The following PLXNA4 variants were observed in gnomAD, a reference collection of about 807,000 sequenced individuals.
PLXNA4 encodes the protein plexin A4.
PLXNA4 carries 44 observed loss-of-function variants against 191.8 expected under a neutral mutation model. The ratio of observed to expected loss-of-function variants is 0.23; its 90% CI spans 0.18 to 0.29. The LOEUF (loss-of-function observed/expected upper bound fraction) is 0.29. Ranked by LOEUF, PLXNA4 falls within the 10% of genes least tolerant of loss-of-function variation. The pLI is 1.00. For missense variants in PLXNA4, 1,800 were observed against 2,488.8 expected (o/e 0.72, Z 5.89); for synonymous variants, 1,082 against 1,009.5 (o/e 1.07, Z -1.36).
rs759238884 is a variant in PLXNA4, at chr7:132,223,676, AC to A, written c.1983-36del. 6 of 1,564,340 alleles carry A rather than the reference AC, an allele frequency of 3.8e-6. No individual in the cohort carries two copies. The South Asian group carries it at 6.8e-5, about 18-fold the overall frequency. Reference sequence around the variant, plus strand: ...GGGGAAGGGAGGCACAAATCTAAGAACCTGGATGAGCCCAAAGCAGAGGGCT... The same window carrying A: ...GGGGAAGGGAGGCACAAATCTAAGAACTGGATGAGCCCAAAGCAGAGGGCT... On this transcript the variant is annotated intron_variant, in intron 8 of 31. Coordinates refer to ENST00000321063, the MANE Select transcript of PLXNA4 (RefSeq NM_020911.2).
intron 3 of PLXNA4, among the ~76,000 whole-genome samples, chr7:132,311,196 G>GCGCGCA (rs1409742006): frequency 5.3e-5 from 5 of 95,062 alleles, no homozygotes; most frequent in African/African-American, 1.5e-4. Flanking sequence ...GTGTGTGTGC[G>GCGCGCA]CGTGTGGCCT....
intron 5 of PLXNA4, among the ~76,000 whole-genome samples, chr7:132,230,748 A>G (rs1868781): frequency 0.64 from 97,823 of 152,136 alleles, 32,076 homozygotes; most frequent in South Asian, 0.78. Flanking sequence ...GAGAGCTGGT[A>G]CGGGCTTAAA....
chr7:132,405,381 A>G lies in PLXNA4; in HGVS notation c.1371+83911T>C, dbSNP rs1051590930. On this transcript the variant is annotated intron_variant, in intron 3 of 31. Transcript: ENST00000321063. ...GGAACTGTGATTCCATACCTGCTAC[A>G]TTGGACTCACCACGAGATGCTGAGC... is the stretch of plus-strand genomic sequence containing the variant. 6.6e-5 allele frequency among the ~76,000 whole-genome samples: 10 copies of G among 152,136 alleles called. 1 individual carries two copies. Among genetic ancestry groups the G allele is most frequent in the African/African-American group, 1.9e-4 (8 of 41,408 alleles).
chr7:132,595,249 G>A, intron 2 of PLXNA4, among the ~76,000 whole-genome samples: 1 of 152,078 alleles, frequency 6.6e-6, no homozygotes, highest in East Asian at 1.9e-4. Flanking sequence ...ACACCACTTT[G>A]AGATGTATAT....
intron 2 of PLXNA4, among the ~76,000 whole-genome samples, chr7:132,491,865 G>A (rs556704715): frequency 6.6e-6 from 1 of 152,148 alleles, no homozygotes. Flanking sequence ...GAGGCAGAGG[G>A]TTAAAGGGAG....
chr7:132,390,205 G>A (rs1261308614), intron 3 of PLXNA4, among the ~76,000 whole-genome samples: 4 of 152,146 alleles, frequency 2.6e-5, no homozygotes, highest in Non-Finnish European at 5.9e-5. Context: ...AAGAAAATGT[G>A]GCCCATACAT....
chr7:132,563,390 C>CAT (rs1801454338), intron 1 of PLXNA4, among the ~76,000 whole-genome samples: 1 of 95,190 alleles, frequency 1.1e-5, no homozygotes, highest in Non-Finnish European at 2.1e-5. Context: ...CCTCCTCCTC[C>CAT]TCTTTCTCCT....
intron 30 of PLXNA4, among the ~76,000 whole-genome samples, chr7:132,140,287 G>T (rs2116539523): frequency 6.6e-6 from 1 of 152,264 alleles, no homozygotes; most frequent in East Asian, 1.9e-4. Flanking sequence ...TTGGGGGGTG[G>T]GTGGTGAAGA....
chr7:132,468,566 A>G (rs1225787332), intron 3 of PLXNA4, among the ~76,000 whole-genome samples: 2 of 152,196 alleles, frequency 1.3e-5, no homozygotes, highest in Non-Finnish European at 2.9e-5. Flanking sequence ...GTCCCTTTTT[A>G]GAACACTGCT....
At chr7:132,219,657 T>C (rs1007485225) in intron 9 of PLXNA4, among the ~76,000 whole-genome samples, 5 of 151,534 alleles carry the variant, frequency 3.3e-5, no homozygotes, top group African/African-American at 1.2e-4. Flanking sequence ...AATTGGGTAG[T>C]TTTTTTTTAC....
At chr7:132,587,716 C>T (rs779084591) in intron 2 of PLXNA4, among the ~76,000 whole-genome samples, 6 of 151,924 alleles carry the variant, frequency 3.9e-5, no homozygotes, top group Admixed American at 1.3e-4. Context: ...AAACATAAGG[C>T]CAAGGGTGGG....
intron 30 of PLXNA4, among the ~76,000 whole-genome samples, chr7:132,139,764 G>A (rs916685036): frequency 6.6e-6 from 1 of 152,142 alleles, no homozygotes; most frequent in African/African-American, 2.4e-5. Context: ...GTTTCATCTT[G>A]GTTCTTTAAA....
chr7:132,433,100 A>G (rs1014533878), intron 3 of PLXNA4, among the ~76,000 whole-genome samples: 2 of 152,218 alleles, frequency 1.3e-5, no homozygotes, highest in African/African-American at 4.8e-5. Flanking sequence ...TGACTAGACT[A>G]AAGCACTTGA....
intron 9 of PLXNA4, among the ~76,000 whole-genome samples, chr7:132,213,033 CA>C (rs1222825818): frequency 1.3e-5 from 2 of 152,236 alleles, no homozygotes; most frequent in African/African-American, 4.8e-5. Flanking sequence ...AATGGGTAAA[CA>C]AAATGTGGCC....
chr7:132,518,077 A>G (rs1376864305), intron 1 of PLXNA4, among the ~76,000 whole-genome samples: 1 of 151,914 alleles, frequency 6.6e-6, no homozygotes, highest in Non-Finnish European at 1.5e-5. Flanking sequence ...TTCTATTTAC[A>G]CCCATCTAGG....
intron 25 of PLXNA4, among the ~76,000 whole-genome samples, chr7:132,159,246 G>T (rs903729217): frequency 6.6e-6 from 1 of 152,104 alleles, no homozygotes; most frequent in Non-Finnish European, 1.5e-5. Flanking sequence ...CAAGTGGCCC[G>T]TGGACCCCTC....
At chr7:132,191,197 T>G (rs1220525661) in intron 14 of PLXNA4, among the ~76,000 whole-genome samples, 2 of 152,002 alleles carry the variant, frequency 1.3e-5, no homozygotes, top group Non-Finnish European at 2.9e-5. Context: ...GGTAGATGGA[T>G]TACAACAGGT....
intron 5 of PLXNA4, among the ~76,000 whole-genome samples, chr7:132,229,144 C>T (rs146190012): frequency 9.1e-4 from 139 of 152,294 alleles, no homozygotes; most frequent in Middle Eastern, 3.4e-3. Flanking sequence ...TTAGAATCCC[C>T]TCATGTAGGC....
intron 4 of PLXNA4, among the ~76,000 whole-genome samples, chr7:132,288,318 G>T (rs1315232644): frequency 6.6e-6 from 1 of 152,208 alleles, no homozygotes; most frequent in Non-Finnish European, 1.5e-5. Context: ...AGGGAGGGAA[G>T]TCACTTCCCC....
Sources: allele counts gnomAD v4.1 joint callset (sites outside exome capture counted in the v4.1 genomes callset), GRCh38; gene constraint gnomAD v4.1.1; transcripts MANE v1.5; gene names NCBI Gene and HGNC (gene_info 2026-07-23, HGNC 2026-07-21).